ZFYVE28: variants seen among roughly 807,000 people sequenced by gnomAD.
ZFYVE28 encodes zinc finger FYVE-type containing 28, also known as lateral signaling target protein 2 homolog.
ZFYVE28 carries 40 observed loss-of-function variants against 82.1 expected under a neutral mutation model. The observed-to-expected ratio is 0.49, with a 90% confidence interval of 0.38 to 0.63. ZFYVE28 has a LOEUF of 0.63. ZFYVE28 is among the 30% of genes least tolerant of loss of function. The probability of loss-of-function intolerance (pLI) is 0.00; values close to 1 mark genes in which losing one functional copy is unlikely to be tolerated. For missense variants in ZFYVE28, 1,321 were observed against 1,242.1 expected (o/e 1.06, Z -0.96); for synonymous variants, 612 against 546.1 (o/e 1.12, Z -1.68).
At chr4:2,376,162 C>T (rs1353111283) in intron 1 of ZFYVE28, among the ~76,000 whole-genome samples, 2 of 151,706 alleles carry the variant, frequency 1.3e-5, no homozygotes, top group Admixed American at 6.6e-5. Context: ...CATGAGCCAC[C>T]GTGCCTGGCC....
intron 1 of ZFYVE28, among the ~76,000 whole-genome samples, chr4:2,359,883 A>T (rs1725866817): frequency 6.6e-6 from 1 of 152,112 alleles, no homozygotes; most frequent in African/African-American, 2.4e-5. Flanking sequence ...GTGGGCCTGT[A>T]CAACTCTGAG....
At chr4:2,289,566 G>A (rs1362894240) in intron 8 of ZFYVE28, among the ~76,000 whole-genome samples, 1 of 152,152 alleles carries the variant, frequency 6.6e-6, no homozygotes, top group Non-Finnish European at 1.5e-5. Flanking sequence ...GGTGGGCACG[G>A]AGCCAGGTGC....
At position 2,332,958 on chromosome 4, in the gene ZFYVE28, G is replaced by A. The variant is rs954803109; in HGVS notation, c.701+2747C>T. On this transcript the variant is annotated intron_variant, in intron 6 of 12. Coordinates refer to ENST00000290974, the MANE Select transcript of ZFYVE28 (RefSeq NM_020972.3). The surrounding 1 kb of genome is among the most constrained non-coding windows in gnomAD (Gnocchi z 4.7). ...GCTGGCCACCCCCCTGGACAGGCCT[G>A]CTCCCTGGACTCTGGCTTTGGGCTC... 6.6e-6 allele frequency among the ~76,000 whole-genome samples: 1 copy of A among 152,028 alleles called. No homozygotes were observed. Among genetic ancestry groups the A allele is most frequent in the Non-Finnish European group, 1.5e-5 (1 of 67,956 alleles).
intron 1 of ZFYVE28, among the ~76,000 whole-genome samples, chr4:2,393,708 G>T (rs182910720): frequency 2.0e-5 from 3 of 152,318 alleles, no homozygotes; most frequent in African/African-American, 7.2e-5. Flanking sequence ...ACTCCCGCCG[G>T]CCCCTTGCCG....
chr4:2,334,875 G>A lies in ZFYVE28; in HGVS notation c.701+830C>T, dbSNP rs1308040759. Among the ~76,000 whole-genome samples the A allele has an allele frequency of 9.9e-5, 9 of 91,240 alleles. 1 individual carries two copies. The highest frequency in any genetic ancestry group is 2.9e-4 in the East Asian group (1 of 3,436). The allele number at this position is 91,240 out of a possible 152,430, so 59.9% of individuals were successfully genotyped here. A position where few individuals can be genotyped will look rare whatever the true frequency, so the allele number is the denominator to read the frequency against. On this transcript the variant is annotated intron_variant, in intron 6 of 12. Coordinates refer to ENST00000290974, the MANE Select transcript of ZFYVE28 (RefSeq NM_020972.3). ...CCCCACTTCCGCCTCCCCCCCAGCT[G>A]CAAGCTCCACTAAGCTCTCTGTGGT...
At chr4:2,375,952 C>A (rs992865280) in intron 1 of ZFYVE28, among the ~76,000 whole-genome samples, 5 of 151,636 alleles carry the variant, frequency 3.3e-5, no homozygotes, top group Admixed American at 2.0e-4. Flanking sequence ...TGGCTCACTG[C>A]AACCTCTGCC....
intron 1 of ZFYVE28, chr4:2,364,857 C>A: frequency 3.0e-6 from 3 of 985,510 alleles, no homozygotes; most frequent in Non-Finnish European, 3.6e-6. Flanking sequence ...CCCCACGTCG[C>A]CGCGGCAAAG....
intron 6 of ZFYVE28, chr4:2,329,060 TTTTG>T (rs1269041439): frequency 1.4e-6 from 1 of 693,716 alleles, no homozygotes; most frequent in African/African-American, 1.8e-5. Flanking sequence ...AATCTTCCAA[TTTTG>T]TTTTTGTTTT....
rs749576207 is a variant in ZFYVE28, at chr4:2,304,293, A to G, written c.2047T>C (p.Ser683Pro). The G allele has an allele frequency of 1.3e-6, 2 of 1,570,096 alleles. No homozygotes were observed. The highest frequency in any genetic ancestry group is 1.9e-5 in the Admixed American group (1 of 53,826). ...CTGGGCCAGACTGGCTCTTACCTGGAGCCCGACAGGGCCTGAGGCGCCTCG... is the reference window on the plus strand; with the variant it reads ...CTGGGCCAGACTGGCTCTTACCTGGGGCCCGACAGGGCCTGAGGCGCCTCG... Reference protein sequence around the residue: ...AHEAPQALSGSSSSTAGSCSS... With the variant: ...AHEAPQALSGPSSSTAGSCSS... Residue 683 changes from serine (S) to proline (P), a missense_variant, in exon 8 of 13, where the codon TCC becomes CCC. Coordinates refer to ENST00000290974, the MANE Select transcript of ZFYVE28 (RefSeq NM_020972.3).
intron 1 of ZFYVE28, among the ~76,000 whole-genome samples, chr4:2,400,596 A>G (rs1035785055): frequency 6.6e-6 from 1 of 152,178 alleles, no homozygotes. Flanking sequence ...ATTAACTCAC[A>G]CAATCACAAG....
intron 8 of ZFYVE28, among the ~76,000 whole-genome samples, chr4:2,284,244 G>T (rs538925435): frequency 1.3e-5 from 2 of 152,156 alleles, no homozygotes; most frequent in South Asian, 4.1e-4. Flanking sequence ...ATTTCCCACC[G>T]TGATAAAGGC....
chr4:2,405,348 A>T (rs1214552035), intron 1 of ZFYVE28, among the ~76,000 whole-genome samples: 3 of 152,246 alleles, frequency 2.0e-5, no homozygotes, highest in African/African-American at 7.2e-5. Flanking sequence ...TGGCCTTTTC[A>T]GAAGTGTCTG....
rs574140415 is a variant in ZFYVE28 at position 2,337,574 on chromosome 4, C to T, written c.522-78G>A. On this transcript the variant is annotated intron_variant, in intron 4 of 12. Coordinates refer to ENST00000290974, the MANE Select transcript of ZFYVE28 (RefSeq NM_020972.3). ...TCCAAAACAGAGTGGGGGGCATCTT[C>T]AATTAAAGCTGCAATGCTGGGCAAG... is the stretch of plus-strand genomic sequence containing the variant. 2.1e-4 allele frequency: 229 copies of T among 1,093,522 alleles called. 1 individual carries two copies. The African/African-American group carries it at 3.0e-3, about 14-fold the overall frequency. 67.7% of individuals were successfully genotyped at this position (1,093,522 alleles called of 1,614,324 possible).
chr4:2,376,639 C>T (rs1279632672), intron 1 of ZFYVE28, among the ~76,000 whole-genome samples: 4 of 152,172 alleles, frequency 2.6e-5, no homozygotes, highest in Non-Finnish European at 4.4e-5. Context: ...TGAGAATTCA[C>T]TCACTGTCAT....
At chr4:2,346,031 T>A (rs1723485248) in intron 2 of ZFYVE28, among the ~76,000 whole-genome samples, 2 of 151,906 alleles carry the variant, frequency 1.3e-5, no homozygotes, top group Non-Finnish European at 2.9e-5. Flanking sequence ...CTATAAGAAA[T>A]GCTAAAGAAA....
At chr4:2,385,042 A>C (rs1445256135) in intron 1 of ZFYVE28, among the ~76,000 whole-genome samples, 1 of 152,202 alleles carries the variant, frequency 6.6e-6, no homozygotes, top group African/African-American at 2.4e-5. Context: ...CTCACCTTTG[A>C]AGCCATGCAT....
At chr4:2,357,305 G>A (rs939727980) in intron 1 of ZFYVE28, among the ~76,000 whole-genome samples, 4 of 152,102 alleles carry the variant, frequency 2.6e-5, no homozygotes, top group Admixed American at 6.5e-5. Flanking sequence ...CTGGGCCCGG[G>A]ACCTGCCAAT....
intron 8 of ZFYVE28, among the ~76,000 whole-genome samples, chr4:2,281,927 C>A (rs1173496520): frequency 6.6e-6 from 1 of 152,172 alleles, no homozygotes; most frequent in Non-Finnish European, 1.5e-5. Context: ...TGGTGCCCAG[C>A]GGGTCCATCC....
chr4:2,302,631 AC>A (rs1180431363), intron 8 of ZFYVE28, among the ~76,000 whole-genome samples: 1 of 152,248 alleles, frequency 6.6e-6, no homozygotes, highest in Non-Finnish European at 1.5e-5. Context: ...ACAGGGATCC[AC>A]CCAGATGAGC....
Sources: gnomAD v4.1 joint callset for allele counts (sites outside exome capture counted in the v4.1 genomes callset) on GRCh38, gnomAD v4.1.1 for gene constraint, Gnocchi (gnomAD v3.1) non-coding constraint, MANE v1.5 for transcripts, NCBI Gene and HGNC (gene_info 2026-07-23, HGNC 2026-07-21) for gene names.